The following ATXN7 variants were observed in gnomAD, a reference collection of about 807,000 sequenced individuals.
ATXN7 encodes the protein ataxin-7.
Under a neutral mutation model 70.5 loss-of-function variants are expected in ATXN7, and 12 were observed. That is an observed-to-expected ratio of 0.17 (90% confidence interval 0.11 to 0.28). The LOEUF (loss-of-function observed/expected upper bound fraction) is 0.28. ATXN7 is among the 10% of genes least tolerant of loss of function. The pLI is 1.00. For synonymous variants in ATXN7, 498 were observed against 448.7 expected (o/e 1.11, Z -1.39); for missense variants, 1,256 against 1,131.7 (o/e 1.11, Z -1.58).
intron 4 of ATXN7, among the ~76,000 whole-genome samples, chr3:63,949,807 A>G (rs930378965): frequency 3.3e-5 from 5 of 152,166 alleles, no homozygotes; most frequent in Non-Finnish European, 7.4e-5. Flanking sequence ...CAGTGTGCTC[A>G]TGAGAAATTA....
intron 4 of ATXN7, among the ~76,000 whole-genome samples, chr3:63,947,040 T>C (rs1264620824): frequency 6.6e-6 from 1 of 152,208 alleles, no homozygotes; most frequent in Non-Finnish European, 1.5e-5. Flanking sequence ...AGGGGTGTTA[T>C]GAGTCTAGCA....
chr3:63,984,101 C>A (rs1184382731), intron 8 of ATXN7, among the ~76,000 whole-genome samples: 1 of 151,844 alleles, frequency 6.6e-6, no homozygotes, highest in Admixed American at 6.6e-5. Flanking sequence ...GTGGTTCTTA[C>A]TTTAAGCTTC....
At chr3:63,893,021 A>G (rs935707060) in intron 1 of ATXN7, among the ~76,000 whole-genome samples, 2 of 152,074 alleles carry the variant, frequency 1.3e-5, no homozygotes, top group African/African-American at 2.4e-5. Context: ...TTTAAGCTCA[A>G]CTCTAACATG....
At chr3:63,940,683 A>G (rs906515520) in intron 4 of ATXN7, among the ~76,000 whole-genome samples, 3 of 152,168 alleles carry the variant, frequency 2.0e-5, no homozygotes, top group South Asian at 2.1e-4. Flanking sequence ...CCAACAGTCC[A>G]TTAAAGTTGA....
chr3:63,954,639 A>G (rs2075009946), intron 5 of ATXN7, among the ~76,000 whole-genome samples: 1 of 139,948 alleles, frequency 7.1e-6, no homozygotes, highest in Non-Finnish European at 1.6e-5. Context: ...CAGTATACTT[A>G]TTTTTTTTTT....
chr3:63,991,596 A>G (rs906267367), intron 11 of ATXN7, among the ~76,000 whole-genome samples: 1 of 152,114 alleles, frequency 6.6e-6, no homozygotes, highest in East Asian at 1.9e-4. Context: ...TGTTGAAGAA[A>G]TAGCAAGAAA....
At chr3:63,957,806 G>T (rs1160742137) in intron 5 of ATXN7, among the ~76,000 whole-genome samples, 1 of 152,182 alleles carries the variant, frequency 6.6e-6, no homozygotes. Flanking sequence ...ATATTGTTGG[G>T]AAATACCAGC....
rs1175801750 is a variant in ATXN7, at chr3:63,990,268, A to T, written c.1454A>T (p.Glu485Val). Residue 485 changes from glutamate to valine, a missense_variant, in exon 10 of 13, where the codon GAG (glutamate) becomes GTG (valine). By Grantham distance (121) the Glu-to-Val change is moderately radical (BLOSUM62 -2). Coordinates refer to ENST00000674280, the MANE Select transcript of ATXN7 (RefSeq NM_001377405.1). ...ESPHPPLPAT[E>V]PASRLSSEEG... is the part of the protein sequence containing the mutation. ...CCACACCCTCCCCTGCCTGCCACTGAGCCAGCTTCTCGGTTATCCAGTGAG... is the reference window on the plus strand; with the variant it reads ...CCACACCCTCCCCTGCCTGCCACTGTGCCAGCTTCTCGGTTATCCAGTGAG... The T allele has an allele frequency of 6.2e-7, 1 of 1,613,862 alleles. No homozygotes were observed. Among genetic ancestry groups the T allele is most frequent in the Non-Finnish European group, 8.5e-7 (1 of 1,179,984 alleles).
At chr3:63,926,959 T>A (rs1451926785) in intron 4 of ATXN7, among the ~76,000 whole-genome samples, 1 of 152,198 alleles carries the variant, frequency 6.6e-6, no homozygotes, top group Admixed American at 6.5e-5. Flanking sequence ...ACTGATGGCT[T>A]CCACCTTCAT....
At position 63,912,731 on chromosome 3, in the gene ATXN7, C is replaced by T; in HGVS notation, c.133C>T (p.Pro45Ser). The part of the protein sequence containing the change: ...QQQQQPPPPQ[P>S]QRQQHPPPPP... ...GCAGCAGCAGCCGCCGCCTCCGCAG[C>T]CCCAGCGGCAGCAGCACCCGCCACC... Residue 45 changes from proline to serine, a missense_variant, in exon 3 of 13, where the codon CCC becomes TCC. By Grantham distance (74) the Pro-to-Ser change is moderately conservative. Coordinates refer to ENST00000674280, the MANE Select transcript of ATXN7 (RefSeq NM_001377405.1). The T allele has an allele frequency of 7.9e-7, 1 of 1,265,662 alleles. No individual in the cohort carries two copies. The highest frequency in any genetic ancestry group is 1.0e-6 in the Non-Finnish European group (1 of 998,968). 78.4% of individuals were successfully genotyped at this position (1,265,662 alleles called of 1,614,324 possible).
intron 1 of ATXN7, among the ~76,000 whole-genome samples, chr3:63,884,229 A>ACACACACATACTCT (rs1559619559): frequency 1.3e-5 from 2 of 148,262 alleles, no homozygotes; most frequent in African/African-American, 5.0e-5. Context: ...ACACACACAC[A>ACACACACATACTCT]CACACACACA....
rs548733912 is a variant in ATXN7 at position 63,889,132 on chromosome 3, G to A, written c.-110-9267G>A. Among the ~76,000 whole-genome samples the A allele has an allele frequency of 1.4e-4, 21 of 152,146 alleles. No homozygotes were observed. In the South Asian group the frequency reaches 3.9e-3, roughly 29 times the overall value. On this transcript the variant is annotated intron_variant, in intron 1 of 12. Coordinates refer to ENST00000674280, the MANE Select transcript of ATXN7 (RefSeq NM_001377405.1). Reference sequence around the variant, plus strand: ...AACAGCAGCTAAAGTCGAATATGCCGACGTAATAGCTGATTATAGCATTAA... The same window carrying A: ...AACAGCAGCTAAAGTCGAATATGCCAACGTAATAGCTGATTATAGCATTAA...
intron 8 of ATXN7, among the ~76,000 whole-genome samples, chr3:63,987,260 G>A (rs1352407680): frequency 2.6e-5 from 4 of 152,234 alleles, no homozygotes; most frequent in African/African-American, 4.8e-5. Context: ...AACCACAGGT[G>A]TGTGTATTGG....
chr3:63,963,646 A>G (rs2075168426), intron 5 of ATXN7, among the ~76,000 whole-genome samples: 1 of 152,172 alleles, frequency 6.6e-6, no homozygotes, highest in Admixed American at 6.5e-5. Flanking sequence ...CTACTCAACA[A>G]TACCTCATGT....
chr3:63,953,678 G>A (rs2074992160), intron 5 of ATXN7, among the ~76,000 whole-genome samples: 3 of 146,866 alleles, frequency 2.0e-5, no homozygotes, highest in Non-Finnish European at 3.0e-5. Flanking sequence ...TTTTTGAGAC[G>A]GCCTCTCTGT....
At chr3:63,961,463 G>C (rs1380390051) in intron 5 of ATXN7, among the ~76,000 whole-genome samples, 1 of 152,106 alleles carries the variant, frequency 6.6e-6, no homozygotes. Context: ...CATGGAACCT[G>C]GTCACAGTGC....
intron 1 of ATXN7, among the ~76,000 whole-genome samples, chr3:63,894,942 T>G (rs937423767): frequency 5.9e-5 from 9 of 152,088 alleles, no homozygotes; most frequent in East Asian, 1.9e-4. Context: ...GGTTGTTTTT[T>G]TTGTTGTTGT....
At chr3:63,959,529 ATTG>A (rs1381797306) in intron 5 of ATXN7, among the ~76,000 whole-genome samples, 2 of 152,166 alleles carry the variant, frequency 1.3e-5, no homozygotes, top group African/African-American at 4.8e-5. Context: ...CTTGTCATTT[ATTG>A]TTATTAATAT....
intron 4 of ATXN7, among the ~76,000 whole-genome samples, chr3:63,945,498 C>T (rs2074844839): frequency 6.6e-6 from 1 of 152,182 alleles, no homozygotes; most frequent in Admixed American, 6.5e-5. Flanking sequence ...TACCCAATTC[C>T]AGCAGATGAT....
Sources: allele counts gnomAD v4.1 joint callset (sites outside exome capture counted in the v4.1 genomes callset), GRCh38; gene constraint gnomAD v4.1.1; transcripts MANE v1.5; gene names NCBI Gene and HGNC (gene_info 2026-07-23, HGNC 2026-07-21).